Variants in SHISA9 observed in about 807,000 individuals in gnomAD.
SHISA9 encodes protein shisa-9.
A neutral mutation model predicts 38.0 loss-of-function variants in SHISA9; 13 were observed. That is an observed-to-expected ratio of 0.34 (90% CI 0.22 to 0.54). The LOEUF is 0.54. Among genes scored for constraint, SHISA9 ranks in the 20% least tolerant of loss-of-function variants. The probability of loss-of-function intolerance (pLI) is 0.91; values close to 1 mark genes in which losing one functional copy is unlikely to be tolerated. For synonymous variants in SHISA9, 275 were observed against 242.0 expected, an observed-to-expected ratio of 1.14 and a Z score of -1.27; for missense variants, 538 against 575.8, an observed-to-expected ratio of 0.93 and a Z score of 0.67.
intron 2 of SHISA9, among the ~76,000 whole-genome samples, chr16:13,030,954 G>T (rs2072983575): frequency 6.6e-6 from 1 of 152,192 alleles, no homozygotes; most frequent in Non-Finnish European, 1.5e-5. Context: ...CTGTTACTCA[G>T]TGTCAGATTA....
rs565062009 is a variant in SHISA9, at chr16:13,202,520, G to A, written c.692-874G>A. Among the ~76,000 whole-genome samples, 295 of 125,206 alleles carry A rather than the reference G, an allele frequency of 2.4e-3. 66 individuals are homozygous for A. Among genetic ancestry groups the A allele is most frequent in the African/African-American group, 8.9e-3 (279 of 31,380 alleles). The allele number at this position is 125,206 out of a possible 152,430, so 82.1% of individuals were successfully genotyped here. ...GTAGTATGCAAAAATATACACATAGGTTATATTACTTAACAAAAAATGCTA... is the reference window on the plus strand; with the variant it reads ...GTAGTATGCAAAAATATACACATAGATTATATTACTTAACAAAAAATGCTA... On this transcript the variant is annotated intron_variant, in intron 2 of 4. Transcript: ENST00000558583.
intron 2 of SHISA9, among the ~76,000 whole-genome samples, chr16:12,997,475 C>T (rs56261252): frequency 0.18 from 27,392 of 149,472 alleles, 3,242 homozygotes; most frequent in Middle Eastern, 0.3. Context: ...GGTGCGATCT[C>T]AGGTCACTGC....
At chr16:13,127,675 A>C (rs1055615401) in intron 2 of SHISA9, among the ~76,000 whole-genome samples, 1 of 152,160 alleles carries the variant, frequency 6.6e-6, no homozygotes, top group African/African-American at 2.4e-5. Flanking sequence ...ACTGGGCTCC[A>C]GGGTAAGCTT....
At chr16:13,362,760 C>T in the SHISA9 span, among the ~76,000 whole-genome samples, 1 of 152,142 alleles carries the variant, frequency 6.6e-6, no homozygotes, top group Admixed American at 6.5e-5. Context: ...TGTATTTCTT[C>T]TCTCCCAACT....
At chr16:12,987,715 G>A (rs866499209) in intron 2 of SHISA9, among the ~76,000 whole-genome samples, 16 of 152,086 alleles carry the variant, frequency 1.1e-4, no homozygotes, top group South Asian at 2.1e-4. Context: ...AAACCTGCAC[G>A]TTCTGCATGT....
At chr16:13,086,763 G>T (rs1160655128) in intron 2 of SHISA9, among the ~76,000 whole-genome samples, 1 of 152,174 alleles carries the variant, frequency 6.6e-6, no homozygotes, top group Non-Finnish European at 1.5e-5. Flanking sequence ...GAGAGAGAAA[G>T]ATTCTAATAC....
chr16:13,374,220 G>T, the SHISA9 span, among the ~76,000 whole-genome samples: 8 of 151,412 alleles, frequency 5.3e-5, no homozygotes, highest in Non-Finnish European at 1.0e-4. Flanking sequence ...ACAACGTGCA[G>T]GTTTGTTACA....
intron 2 of SHISA9, among the ~76,000 whole-genome samples, chr16:13,114,708 GT>G (rs1292269179): frequency 4.0e-5 from 6 of 151,502 alleles, no homozygotes; most frequent in Non-Finnish European, 8.8e-5. Flanking sequence ...AATTTTATGT[GT>G]TTTTTTCTTA....
downstream of SHISA9, among the ~76,000 whole-genome samples, chr16:13,240,950 T>G (rs1029717522): frequency 8.0e-4 from 103 of 128,254 alleles, no homozygotes; most frequent in African/African-American, 1.3e-3. Flanking sequence ...TGGGAGGGGG[T>G]GGGAGGTTCA....
intron 2 of SHISA9, among the ~76,000 whole-genome samples, chr16:13,081,125 G>A (rs971909089): frequency 2.0e-5 from 3 of 152,278 alleles, no homozygotes; most frequent in Non-Finnish European, 2.9e-5. Context: ...CCTAAATGAT[G>A]GAGAATTGGG....
At chr16:13,378,040 C>T in the SHISA9 span, among the ~76,000 whole-genome samples, 10 of 152,134 alleles carry the variant, frequency 6.6e-5, no homozygotes, top group African/African-American at 1.4e-4. Flanking sequence ...CTAAACAACA[C>T]CACCAACAAA....
chr16:13,223,933 A>G (rs758854022), intron 4 of SHISA9, among the ~76,000 whole-genome samples: 2 of 152,240 alleles, frequency 1.3e-5, no homozygotes, highest in African/African-American at 2.4e-5. Context: ...TGTGATGGCC[A>G]TAACTTGAGG....
At chr16:12,936,919 C>T (rs927312773) in intron 2 of SHISA9, among the ~76,000 whole-genome samples, 5 of 152,132 alleles carry the variant, frequency 3.3e-5, no homozygotes, top group Non-Finnish European at 4.4e-5. Context: ...ACACACAGCA[C>T]GGGTTGGCTA....
At chr16:13,034,125 A>G (rs968198636) in intron 2 of SHISA9, among the ~76,000 whole-genome samples, 1 of 145,502 alleles carries the variant, frequency 6.9e-6, no homozygotes, top group African/African-American at 2.6e-5. Flanking sequence ...AGCCTGGGTG[A>G]CAAGAATGGA....
chr16:13,330,336 A>G, the SHISA9 span, among the ~76,000 whole-genome samples: 4 of 152,190 alleles, frequency 2.6e-5, no homozygotes, highest in African/African-American at 7.2e-5. Flanking sequence ...ATTTTCATGT[A>G]TCTATTTGTA....
chr16:13,477,279 T>C, the SHISA9 span, among the ~76,000 whole-genome samples: 1 of 152,174 alleles, frequency 6.6e-6, no homozygotes, highest in Non-Finnish European at 1.5e-5. Context: ...CACAGGACAT[T>C]GTTGGGTCAC....
At chr16:12,994,886 C>A (rs867614408) in intron 2 of SHISA9, among the ~76,000 whole-genome samples, 1 of 152,114 alleles carries the variant, frequency 6.6e-6, no homozygotes, top group African/African-American at 2.4e-5. Context: ...TCTTGTCAAT[C>A]TGAGATACCT....
At chr16:13,137,755 G>A (rs1252108107) in intron 2 of SHISA9, among the ~76,000 whole-genome samples, 1 of 152,064 alleles carries the variant, frequency 6.6e-6, no homozygotes, top group Non-Finnish European at 1.5e-5. Context: ...CACCTGGCTG[G>A]AGGATCAAAT....
intron 1 of SHISA9, among the ~76,000 whole-genome samples, chr16:12,912,626 G>A (rs1184877430): frequency 6.6e-6 from 1 of 152,144 alleles, no homozygotes; most frequent in Non-Finnish European, 1.5e-5. Flanking sequence ...TCTGTCTTTT[G>A]TCTCAAAACT....
Sources: allele counts gnomAD v4.1 joint callset (sites outside exome capture counted in the v4.1 genomes callset), GRCh38; gene constraint gnomAD v4.1.1; transcripts MANE v1.5; gene names NCBI Gene and HGNC (gene_info 2026-07-23, HGNC 2026-07-21).